The following PTCHD1 variants were observed in gnomAD, a reference collection of about 807,000 sequenced individuals.
PTCHD1 encodes the protein patched domain-containing protein 1.
A neutral mutation model predicts 34.6 loss-of-function variants in PTCHD1; 3 were observed. That is an observed-to-expected ratio of 0.09 (90% confidence interval 0.04 to 0.22). The LOEUF (loss-of-function observed/expected upper bound fraction) is 0.22, where lower values mean the gene tolerates loss of function less well. PTCHD1 is among the 10% of genes least tolerant of loss of function. The pLI, the probability that PTCHD1 is intolerant of heterozygous loss-of-function variation, is 1.00. For synonymous variants in PTCHD1, 305 were observed against 283.1 expected (o/e 1.08, Z -0.77); for missense variants, 504 against 685.5 (o/e 0.74, Z 2.96).
At chrX:23,335,793 A>G (rs1249927142) in intron 1 of PTCHD1, among the ~76,000 whole-genome samples, 1 of 111,133 alleles carries the variant, frequency 9.0e-6, no homozygotes, top group Non-Finnish European at 1.9e-5. Flanking sequence ...ACCCAGAAAG[A>G]AGTGTGGTCT....
At chrX:23,347,334 A>G (rs1921504488) in intron 1 of PTCHD1, among the ~76,000 whole-genome samples, 1 of 112,370 alleles carries the variant, frequency 8.9e-6, no homozygotes, top group Non-Finnish European at 1.9e-5. Context: ...TTACTACCAC[A>G]TCAGCAGAGC....
intron 1 of PTCHD1, among the ~76,000 whole-genome samples, chrX:23,374,280 C>CAAAAAAAAAAA (rs752214252): frequency 2.9e-4 from 7 of 24,547 alleles, no homozygotes; most frequent in Admixed American, 9.6e-4. Context: ...GAAACAAATA[C>CAAAAAAAAAAA]AAAAAAAAAA....
At chrX:23,369,134 C>T (rs950745373) in intron 1 of PTCHD1, among the ~76,000 whole-genome samples, 1 of 112,146 alleles carries the variant, frequency 8.9e-6, no homozygotes, top group Admixed American at 9.4e-5. Flanking sequence ...AGTCTTCTCC[C>T]TTTTCACATC....
chrX:23,339,293 C>T (rs1172683511), intron 1 of PTCHD1, among the ~76,000 whole-genome samples: 2 of 112,067 alleles, frequency 1.8e-5, no homozygotes, highest in Non-Finnish European at 3.8e-5. Context: ...TTCTTCCCTC[C>T]TTGATAACCC....
At chrX:23,376,196 GAAT>G (rs1922409786) in intron 1 of PTCHD1, among the ~76,000 whole-genome samples, 1 of 112,244 alleles carries the variant, frequency 8.9e-6, no homozygotes, top group Non-Finnish European at 1.9e-5. Flanking sequence ...TGTGTTGAAT[GAAT>G]AATCTAGAAT....
intron 1 of PTCHD1, among the ~76,000 whole-genome samples, chrX:23,375,664 G>A (rs1028240373): frequency 9.0e-5 from 10 of 111,728 alleles, no homozygotes; most frequent in African/African-American, 3.3e-4. Context: ...GTCCTGCTGT[G>A]GAGTAAGACT....
intron 1 of PTCHD1, among the ~76,000 whole-genome samples, chrX:23,376,540 G>C (rs1922418920): frequency 8.9e-6 from 1 of 112,337 alleles, no homozygotes; most frequent in African/African-American, 3.2e-5. Flanking sequence ...GGTATAGGTA[G>C]ATGTTCAGGT....
chrX:23,336,727 T>C (rs1006001133), intron 1 of PTCHD1, among the ~76,000 whole-genome samples: 1 of 111,701 alleles, frequency 9.0e-6, no homozygotes, highest in Admixed American at 9.5e-5. Flanking sequence ...TTCTCATGAT[T>C]AGACTTCCAG....
chrX:23,341,713 G>T (rs1417374110), intron 1 of PTCHD1, among the ~76,000 whole-genome samples: 2 of 109,849 alleles, frequency 1.8e-5, no homozygotes, highest in Non-Finnish European at 3.8e-5. Flanking sequence ...GACAAGAAAA[G>T]GAAAAAAAGA....
At chrX:23,342,308 ATATTTT>A (rs1487367313) in intron 1 of PTCHD1, among the ~76,000 whole-genome samples, 2 of 9,696 alleles carry the variant, frequency 2.1e-4, no homozygotes, top group Non-Finnish European at 2.8e-4. Flanking sequence ...ATATATATAT[ATATTTT>A]TTTTTTTTTT....
At chrX:23,353,642 C>G (rs962860221) in intron 1 of PTCHD1, among the ~76,000 whole-genome samples, 5 of 111,984 alleles carry the variant, frequency 4.5e-5, no homozygotes, top group African/African-American at 1.6e-4. Flanking sequence ...GAGATCCTAC[C>G]TAAGATGAAG....
chrX:23,353,087 T>G (rs1921687564), intron 1 of PTCHD1, among the ~76,000 whole-genome samples: 1 of 112,240 alleles, frequency 8.9e-6, no homozygotes, highest in East Asian at 2.8e-4. Context: ...TGATAAAATC[T>G]CATTGTATTC....
At chrX:23,377,575 GGTGTGTGTGTGTGT>G (rs748957859) in intron 1 of PTCHD1, among the ~76,000 whole-genome samples, 21 of 90,527 alleles carry the variant, frequency 2.3e-4, no homozygotes, top group African/African-American at 4.6e-4. Flanking sequence ...GCCTCCTAGG[GGTGTGTGTGTGTGT>G]GTGTGTGTGT....
intron 1 of PTCHD1, among the ~76,000 whole-genome samples, chrX:23,363,305 G>A (rs182491866): frequency 5.4e-4 from 61 of 112,626 alleles, no homozygotes; most frequent in Non-Finnish European, 6.9e-4. Flanking sequence ...GGTGGGTTCC[G>A]CCCAGTTTGA....
intron 1 of PTCHD1, among the ~76,000 whole-genome samples, chrX:23,350,572 G>A (rs1463804655): frequency 8.9e-6 from 1 of 111,798 alleles, no homozygotes; most frequent in African/African-American, 3.2e-5. Context: ...TCTTCAGGAG[G>A]CAGATGGAAA....
chrX:23,356,735 C>T (rs1430732690), intron 1 of PTCHD1, among the ~76,000 whole-genome samples: 1 of 112,095 alleles, frequency 8.9e-6, no homozygotes, highest in Non-Finnish European at 1.9e-5. Flanking sequence ...TCTATGACAA[C>T]GCCACTAGAC....
intron 1 of PTCHD1, among the ~76,000 whole-genome samples, chrX:23,349,242 A>G (rs1015189932): frequency 6.3e-5 from 7 of 111,734 alleles, no homozygotes; most frequent in Middle Eastern, 4.6e-3. Context: ...CAAATGCAAA[A>G]ACAACAACAA....
chrX:23,382,526 G>A (rs958671865), intron 2 of PTCHD1, among the ~76,000 whole-genome samples: 1 of 112,555 alleles, frequency 8.9e-6, no homozygotes, highest in Non-Finnish European at 1.9e-5. Flanking sequence ...GAAAGATGCT[G>A]TTAGCAGGGA....
At position 23,395,666 on chromosome X, in the gene PTCHD1, C is replaced by T. The variant is rs956429465; in HGVS notation, c.*1481C>T. The T allele has an allele frequency of 1.2e-3, 138 of 111,991 alleles. No individual in the cohort carries two copies. Among genetic ancestry groups the T allele is most frequent in the African/African-American group, 4.3e-3 (131 of 30,792 alleles). The allele number at this position is 111,991 out of a possible 1,213,427, so 9.2% of individuals were successfully genotyped here. Reference sequence around the variant, plus strand: ...GGTTTAGATCTAAAAAGGCTGTATACGTTGCCCAGGCCCCTGCATTTCTTT... The same window carrying T: ...GGTTTAGATCTAAAAAGGCTGTATATGTTGCCCAGGCCCCTGCATTTCTTT... On this transcript the variant is annotated 3_prime_UTR_variant, in exon 3 of 3. Coordinates refer to ENST00000379361, the MANE Select transcript of PTCHD1 (RefSeq NM_173495.3).
Sources: allele counts gnomAD v4.1 joint callset (sites outside exome capture counted in the v4.1 genomes callset), GRCh38; gene constraint gnomAD v4.1.1; transcripts MANE v1.5; gene names NCBI Gene and HGNC (gene_info 2026-07-23, HGNC 2026-07-21).